Variants in YTHDC2 observed in about 807,000 individuals in gnomAD.
The protein encoded by YTHDC2 is YTH N6-methyladenosine RNA binding protein C2.
Under a neutral mutation model 174.9 loss-of-function variants are expected in YTHDC2, and 45 were observed. The observed-to-expected ratio is 0.26, with a 90% CI of 0.20 to 0.33. YTHDC2 has a LOEUF of 0.33. YTHDC2 is among the 10% of genes least tolerant of loss of function. The pLI is 1.00. For missense variants in YTHDC2, 1,650 were observed against 1,723.7 expected, an observed-to-expected ratio of 0.96 and a Z score of 0.76; for synonymous variants, 657 against 574.5, an observed-to-expected ratio of 1.14 and a Z score of -2.05.
At chr5:113,539,550 C>T (rs1354368251) in intron 8 of YTHDC2, among the ~76,000 whole-genome samples, 1 of 152,162 alleles carries the variant, frequency 6.6e-6, no homozygotes, top group Non-Finnish European at 1.5e-5. Flanking sequence ...TAATAACAAA[C>T]TTTGATAAAA....
chr5:113,588,754 C>T (rs1270334833), intron 26 of YTHDC2, among the ~76,000 whole-genome samples: 1 of 151,912 alleles, frequency 6.6e-6, no homozygotes, highest in Non-Finnish European at 1.5e-5. Flanking sequence ...TCCTGAGTAG[C>T]TGGGATTACA....
intron 23 of YTHDC2, among the ~76,000 whole-genome samples, chr5:113,568,338 T>C (rs549925008): frequency 6.6e-6 from 1 of 152,060 alleles, no homozygotes; most frequent in African/African-American, 2.4e-5. Flanking sequence ...GTATATCACA[T>C]TGAAGTGGCA....
chr5:113,513,907 G>T lies in YTHDC2; in HGVS notation c.12G>T (p.Pro4=), dbSNP rs770418134. The change falls in exon 1 of 30, where the codon CCG becomes CCT. Residue 4 remains proline, a synonymous_variant. Coordinates refer to ENST00000161863, the MANE Select transcript of YTHDC2 (RefSeq NM_022828.5). ...ATCTCTTCAGGGCAATGTCCAGGCC[G>T]AGCAGCGTCTCCCCGCGGCAGCCGG... MSR[P]SSVSPRQPAP... is the part of the protein sequence containing the mutation. 1.2e-6 allele frequency: 2 copies of T among 1,604,444 alleles called. No homozygotes were observed. Among genetic ancestry groups the T allele is most frequent in the South Asian group, 2.2e-5 (2 of 90,062 alleles).
chr5:113,583,198 G>A (rs940191369), intron 25 of YTHDC2: 17 of 152,246 alleles, frequency 1.1e-4, no homozygotes, highest in Admixed American at 3.9e-4. Flanking sequence ...TATTGGGATT[G>A]GTAACCACTT....
At chr5:113,551,552 G>A (rs973056612) in intron 12 of YTHDC2, among the ~76,000 whole-genome samples, 1 of 151,894 alleles carries the variant, frequency 6.6e-6, no homozygotes, top group Non-Finnish European at 1.5e-5. Flanking sequence ...AAATTTATAA[G>A]AGCTGAGAAC....
intron 20 of YTHDC2, among the ~76,000 whole-genome samples, chr5:113,564,875 A>G (rs944038264): frequency 2.6e-5 from 4 of 152,106 alleles, no homozygotes; most frequent in Non-Finnish European, 5.9e-5. Context: ...GTGCAGTGGC[A>G]CAGTCTTGGC....
At chr5:113,586,191 T>C (rs910882986) in intron 26 of YTHDC2, among the ~76,000 whole-genome samples, 4 of 152,106 alleles carry the variant, frequency 2.6e-5, no homozygotes, top group Admixed American at 2.0e-4. Context: ...TTTGTAATTT[T>C]AGCCATTCCA....
chr5:113,591,859 G>A (rs1779020295), intron 27 of YTHDC2, 137 bp from the exon 28 acceptor site: 1 of 649,244 alleles, frequency 1.5e-6, no homozygotes, highest in African/African-American at 1.9e-5. Context: ...CTTATTTTTT[G>A]TTTTTGTTAG....
chr5:113,539,260 A>G (rs531160605), intron 8 of YTHDC2, 79 bp downstream of exon 8: 17 of 541,194 alleles, frequency 3.1e-5, no homozygotes, highest in Non-Finnish European at 3.1e-5. Flanking sequence ...TACATTGTGG[A>G]GGTACAAGGA....
chr5:113,566,170 G>C (rs376633912), intron 21 of YTHDC2, 151 bp downstream of exon 21: 1 of 946,732 alleles, frequency 1.1e-6, no homozygotes, highest in Admixed American at 3.2e-5. Flanking sequence ...TGTAGACTTC[G>C]ATATGTCTTC....
chr5:113,575,741 A>G (rs1031848382), intron 23 of YTHDC2, among the ~76,000 whole-genome samples: 5 of 152,194 alleles, frequency 3.3e-5, no homozygotes, highest in African/African-American at 1.2e-4. Context: ...GAATGACATG[A>G]CGTGGTGTGT....
chr5:113,588,099 A>G (rs937696750), intron 26 of YTHDC2, among the ~76,000 whole-genome samples: 1 of 152,204 alleles, frequency 6.6e-6, no homozygotes, highest in African/African-American at 2.4e-5. Context: ...CCTGAATCCT[A>G]TGACCTTATT....
chr5:113,513,720 G>T lies in YTHDC2; in HGVS notation c.-176G>T. The T allele has an allele frequency of 1.5e-6, 1 of 679,472 alleles. No homozygotes were observed. The highest frequency in any genetic ancestry group is 2.3e-6 in the Non-Finnish European group (1 of 435,718). 42.1% of individuals were successfully genotyped at this position (679,472 alleles called of 1,614,324 possible). A position where few individuals can be genotyped will look rare whatever the true frequency, so the allele number is the denominator to read the frequency against. On this transcript the variant is annotated 5_prime_UTR_variant, in exon 1 of 30. An upstream start codon of the reference 5' UTR is lost. Transcript: ENST00000161863. ...CTCCTCGCCTGGCCGTGATATCAAT[G>T]GCGCAGGCTTCACTTCTGCTGTGGC...
intron 2 of YTHDC2, among the ~76,000 whole-genome samples, chr5:113,522,062 T>C (rs1267951425): frequency 6.6e-6 from 1 of 151,664 alleles, no homozygotes; most frequent in Non-Finnish European, 1.5e-5. Flanking sequence ...TCTGTCTGCC[T>C]AATGGAAATA....
intron 16 of YTHDC2, among the ~76,000 whole-genome samples, chr5:113,554,338 GGTTA>G (rs1326836737): frequency 6.6e-6 from 1 of 151,994 alleles, no homozygotes; most frequent in Non-Finnish European, 1.5e-5. Flanking sequence ...TAAAGGGTTT[GGTTA>G]GTTATAGTGA....
intron 19 of YTHDC2, 92 bp from the exon 20 acceptor site, chr5:113,563,767 A>G (rs1561678967): frequency 2.8e-6 from 4 of 1,414,754 alleles, no homozygotes; most frequent in African/African-American, 1.4e-5. Flanking sequence ...AAGAAAATCT[A>G]TATTCTTATT....
chr5:113,556,525 T>G (rs1274721132), intron 17 of YTHDC2, among the ~76,000 whole-genome samples: 1 of 152,174 alleles, frequency 6.6e-6, no homozygotes, highest in Non-Finnish European at 1.5e-5. Context: ...ATAAAAAATA[T>G]GCATGTCCTA....
intron 23 of YTHDC2, among the ~76,000 whole-genome samples, chr5:113,575,110 A>T (rs1363759973): frequency 6.6e-6 from 1 of 152,190 alleles, no homozygotes; most frequent in Non-Finnish European, 1.5e-5. Context: ...TCAGTTGAAG[A>T]TGCTGAATTC....
chr5:113,515,101 CTTAA>C (rs1172696725), intron 1 of YTHDC2, among the ~76,000 whole-genome samples, 167 bp from the exon 2 acceptor site: 1 of 151,270 alleles, frequency 6.6e-6, no homozygotes, highest in African/African-American at 2.4e-5. Flanking sequence ...AATAAAATAT[CTTAA>C]TTTTATTAAT....
Sources: gnomAD v4.1 joint callset for allele counts (sites outside exome capture counted in the v4.1 genomes callset) on GRCh38, gnomAD v4.1.1 for gene constraint, MANE v1.5 for transcripts, NCBI Gene and HGNC (gene_info 2026-07-23, HGNC 2026-07-21) for gene names.